The following NSRP1 variants were observed in gnomAD, a reference collection of about 807,000 sequenced individuals.
The protein encoded by NSRP1 is coiled-coil domain containing 55.
NSRP1 carries 24 observed loss-of-function variants against 54.7 expected under a neutral mutation model. That is an observed-to-expected ratio of 0.44 (90% CI 0.32 to 0.62). The LOEUF is 0.62. Ranked by LOEUF, NSRP1 falls within the 20% of genes least tolerant of loss-of-function variation. The pLI, the probability that NSRP1 is intolerant of heterozygous loss-of-function variation, is 0.06. For synonymous variants in NSRP1, 210 were observed against 213.8 expected (o/e 0.98, Z 0.15); for missense variants, 596 against 651.2 (o/e 0.92, Z 0.92).
At chr17:30,129,554 T>G (rs1300129127) in intron 2 of NSRP1, among the ~76,000 whole-genome samples, 1 of 152,204 alleles carries the variant, frequency 6.6e-6, no homozygotes, top group African/African-American at 2.4e-5. Context: ...TTTAAAAATT[T>G]TCTTGAAAAA....
chr17:30,128,044 G>A (rs1043996373), intron 2 of NSRP1: 2 of 383,274 alleles, frequency 5.2e-6, no homozygotes, highest in Non-Finnish European at 9.2e-6. Flanking sequence ...TCACTGCGTT[G>A]CCTAGGCTGC....
chr17:30,172,620 A>G, intron 3 of NSRP1, 22 bp downstream of exon 3: 2 of 1,588,864 alleles, frequency 1.3e-6, no homozygotes, highest in Non-Finnish European at 1.7e-6. Flanking sequence ...GACTGGGATA[A>G]GTGCATTCAG....
chr17:30,180,689 G>T (rs1417930879), intron 5 of NSRP1, among the ~76,000 whole-genome samples: 1 of 152,120 alleles, frequency 6.6e-6, no homozygotes, highest in Non-Finnish European at 1.5e-5. Context: ...TGCCTTTGTA[G>T]TACAAAAGCA....
At chr17:30,168,539 A>C (rs530749564) in intron 2 of NSRP1, among the ~76,000 whole-genome samples, 406 of 150,334 alleles carry the variant, frequency 2.7e-3, no homozygotes, top group Non-Finnish European at 4.0e-3. Flanking sequence ...ATCTGAAAAC[A>C]ATCACGTTGT....
chr17:30,124,013 C>T (rs936234321), intron 2 of NSRP1, among the ~76,000 whole-genome samples: 9 of 152,062 alleles, frequency 5.9e-5, no homozygotes, highest in African/African-American at 2.2e-4. Flanking sequence ...ATAACTCATG[C>T]CTGTACCCTC....
At chr17:30,177,831 T>A (rs1905177484) in intron 3 of NSRP1, 1 of 542,278 alleles carries the variant, frequency 1.8e-6, no homozygotes, top group Admixed American at 3.3e-5. Context: ...CTCTTCTAGA[T>A]GAGGAAATTA....
intron 4 of NSRP1, among the ~76,000 whole-genome samples, 155 bp downstream of exon 4, chr17:30,178,354 T>G (rs1905194709): frequency 6.6e-6 from 1 of 152,208 alleles, no homozygotes; most frequent in African/African-American, 2.4e-5. Context: ...ATTGTAGAAC[T>G]CAAGCAGCAC....
At chr17:30,164,183 G>A (rs1455251287) in intron 2 of NSRP1, among the ~76,000 whole-genome samples, 3 of 152,014 alleles carry the variant, frequency 2.0e-5, no homozygotes, top group Admixed American at 6.6e-5. Flanking sequence ...ACCAAATATG[G>A]CTGCTTTCCT....
At chr17:30,183,438 G>A (rs140940901) in intron 6 of NSRP1, among the ~76,000 whole-genome samples, 10 of 152,210 alleles carry the variant, frequency 6.6e-5, no homozygotes, top group East Asian at 1.9e-4. Flanking sequence ...ATTATATTAC[G>A]TTATATCTTT....
intron 4 of NSRP1, 102 bp from the exon 5 acceptor site, chr17:30,178,988 T>C: frequency 1.5e-6 from 1 of 651,276 alleles, no homozygotes; most frequent in Non-Finnish European, 2.3e-6. Flanking sequence ...GACAATCTTA[T>C]TTGGGCCAAT....
intron 2 of NSRP1, among the ~76,000 whole-genome samples, chr17:30,151,244 C>G (rs1472706203): frequency 6.6e-6 from 1 of 152,008 alleles, no homozygotes; most frequent in African/African-American, 2.4e-5. Context: ...TCTTTATGGG[C>G]TGCAAGTTCC....
chr17:30,123,476 T>G (rs2071622431), intron 2 of NSRP1, among the ~76,000 whole-genome samples: 1 of 152,214 alleles, frequency 6.6e-6, no homozygotes, highest in Non-Finnish European at 1.5e-5. Context: ...CTTTAGTATC[T>G]TATTAGATAT....
At position 30,134,257 on chromosome 17, in the gene NSRP1, C is replaced by T. The variant is rs539200082; in HGVS notation, c.114+16084C>T. On this transcript the variant is annotated intron_variant, in intron 2 of 6. Coordinates refer to ENST00000247026, the MANE Select transcript of NSRP1 (RefSeq NM_032141.4). ...GGTACATGGCTTCCCCAAACAGATA[C>T]GTTAATAACACCAAAGATTGTTGAT... Among the ~76,000 whole-genome samples, 9 of 152,232 alleles carry T rather than the reference C, an allele frequency of 5.9e-5. No individual in the cohort carries two copies. The South Asian group carries it at 1.2e-3, about 21-fold the overall frequency.
At chr17:30,138,319 A>G (rs757352900) in intron 2 of NSRP1, among the ~76,000 whole-genome samples, 2 of 152,066 alleles carry the variant, frequency 1.3e-5, no homozygotes, top group Non-Finnish European at 2.9e-5. Context: ...TCCTGCCTTC[A>G]GTTCTTTTGA....
intron 2 of NSRP1, among the ~76,000 whole-genome samples, chr17:30,127,362 T>C (rs1407340457): frequency 6.6e-6 from 1 of 152,228 alleles, no homozygotes; most frequent in Non-Finnish European, 1.5e-5. Flanking sequence ...TGAAATCTAG[T>C]TTTGTAACAT....
chr17:30,138,392 G>GA (rs2071768556), intron 2 of NSRP1, among the ~76,000 whole-genome samples: 1 of 152,102 alleles, frequency 6.6e-6, no homozygotes, highest in Non-Finnish European at 1.5e-5. Flanking sequence ...CCACAGATAT[G>GA]AAAATCTGTG....
At chr17:30,166,001 A>T (rs1258658278) in intron 2 of NSRP1, among the ~76,000 whole-genome samples, 2 of 152,224 alleles carry the variant, frequency 1.3e-5, no homozygotes, top group African/African-American at 4.8e-5. Context: ...AAGAAAAAAA[A>T]AAGTACAGCT....
intron 4 of NSRP1, among the ~76,000 whole-genome samples, chr17:30,178,473 A>G (rs1430243456): frequency 1.3e-5 from 2 of 152,180 alleles, no homozygotes; most frequent in Admixed American, 6.5e-5. Flanking sequence ...CTAATGTACC[A>G]AATTTGTACT....
At chr17:30,146,343 T>C (rs895806704) in intron 2 of NSRP1, among the ~76,000 whole-genome samples, 3 of 152,232 alleles carry the variant, frequency 2.0e-5, no homozygotes, top group Non-Finnish European at 4.4e-5. Flanking sequence ...TAAGTTATAT[T>C]AGTCTTTAAG....
Sources: allele counts gnomAD v4.1 joint callset (sites outside exome capture counted in the v4.1 genomes callset), GRCh38; gene constraint gnomAD v4.1.1; transcripts MANE v1.5; gene names NCBI Gene and HGNC (gene_info 2026-07-23, HGNC 2026-07-21).